Variants in PPP6R3 observed in about 807,000 individuals in gnomAD.
The protein encoded by PPP6R3 is serine/threonine-protein phosphatase 6 regulatory subunit 3.
In PPP6R3, 38 loss-of-function variants were observed where a neutral mutation model predicts 110.7. That is an observed-to-expected ratio of 0.34 (90% CI 0.26 to 0.45). The LOEUF (loss-of-function observed/expected upper bound fraction) is 0.45. PPP6R3 is among the 20% of genes least tolerant of loss of function. PPP6R3 has a pLI of 1.00. For synonymous variants in PPP6R3, 369 were observed against 373.5 expected, an observed-to-expected ratio of 0.99 and a Z score of 0.14; for missense variants, 870 against 1,062.4, an observed-to-expected ratio of 0.82 and a Z score of 2.52.
intron 3 of PPP6R3, 137 bp downstream of exon 3, chr11:68,538,028 G>T: frequency 1.6e-6 from 1 of 619,374 alleles, no homozygotes; most frequent in South Asian, 2.6e-5. Flanking sequence ...GACAGGCTCG[G>T]TGGAGCGCAA....
intron 14 of PPP6R3, among the ~76,000 whole-genome samples, chr11:68,579,165 G>A (rs1263276837): frequency 2.0e-5 from 3 of 152,196 alleles, no homozygotes; most frequent in Non-Finnish European, 4.4e-5. Context: ...CTGAAAGTGG[G>A]TGTTTCTAAC....
Position 68,511,347 on chromosome 11 carries a change from G to A in PPP6R3, c.-157-8154G>A, listed in dbSNP as rs530322983. Among the ~76,000 whole-genome samples, 6 of 152,100 alleles carry A rather than the reference G, an allele frequency of 3.9e-5. No individual in the cohort carries two copies. The South Asian group carries it at 8.3e-4, about 21-fold the overall frequency. On this transcript the variant is annotated intron_variant, in intron 1 of 23. Transcript: ENST00000393800. ...CCCAAAGTGCTGGGATTACAGGCAT[G>A]AGCCACCGCGCCCGGCCCATGTATA...
chr11:68,503,353 CA>C (rs1221538996), intron 1 of PPP6R3, among the ~76,000 whole-genome samples: 7 of 152,206 alleles, frequency 4.6e-5, no homozygotes, highest in Non-Finnish European at 1.0e-4. Flanking sequence ...ACAAATAAAA[CA>C]AATGTGAATT....
chr11:68,482,100 C>T (rs927132943), intron 1 of PPP6R3, among the ~76,000 whole-genome samples: 7 of 151,264 alleles, frequency 4.6e-5, no homozygotes, highest in Non-Finnish European at 7.4e-5. Flanking sequence ...TTATCCCGGC[C>T]GGGTGCAGTG....
chr11:68,554,291 A>T (rs781203200), intron 7 of PPP6R3, 34 bp downstream of exon 7: 2 of 1,482,916 alleles, frequency 1.3e-6, no homozygotes, highest in South Asian at 2.3e-5. Context: ...TTCTTCTTTC[A>T]TATTGATGCT....
In PPP6R3 at chr11:68,537,660, C is replaced by G. The variant is rs1207390341; in HGVS notation, c.-5C>G. 11 of 1,555,210 alleles carry G rather than the reference C, an allele frequency of 7.1e-6. No homozygotes were observed. Among genetic ancestry groups the G allele is most frequent in the Non-Finnish European group, 8.8e-6 (10 of 1,137,954 alleles). On this transcript the variant is annotated splice_region_variant and 5_prime_UTR_variant, in exon 3 of 24. Coordinates refer to ENST00000393800, the MANE Select transcript of PPP6R3 (RefSeq NM_001164161.2). ...AAATACTTTCTGCATTTTGTTTAGA[C>G]CAGCATGTTTTGGAAATTTGATCTT...
chr11:68,536,755 C>A (rs989588529), intron 2 of PPP6R3, among the ~76,000 whole-genome samples: 7 of 152,120 alleles, frequency 4.6e-5, no homozygotes, highest in Non-Finnish European at 1.0e-4. Flanking sequence ...TTGGGGGTTA[C>A]AGAGAGTCAG....
At chr11:68,589,677 C>T (rs115126650) in intron 16 of PPP6R3, among the ~76,000 whole-genome samples, 3,120 of 152,304 alleles carry the variant, frequency 0.02, 114 homozygotes, top group African/African-American at 0.071. Context: ...CTGCTGTGGT[C>T]TTTGGAAGCA....
chr11:68,575,982 G>C lies in PPP6R3; in HGVS notation c.1484G>C (p.Arg495Pro), dbSNP rs776352077. The C allele has an allele frequency of 2.5e-6, 4 of 1,612,022 alleles. No individual in the cohort carries two copies. Among genetic ancestry groups the C allele is most frequent in the Admixed American group, 3.3e-5 (2 of 59,834 alleles). The change falls in exon 14 of 24, where the codon CGA becomes CCA. Residue 495 changes from arginine to proline, a missense_variant. Physicochemically the swap from Arg to Pro is moderately radical, Grantham distance 103 (BLOSUM62 -2). Transcript: ENST00000393800. ...IKDLPDEVRE[R>P]WETFCTSSLG... ...GATCTTCCCGACGAAGTCAGGGAAC[G>C]ATGGGAGACGTTCTGCACAAGCTCC...
rs1448735368 is a variant in PPP6R3, at chr11:68,551,165, T to G, written c.597T>G (p.Val199=). ...TTATCCAGAGGCTTGTGGAAATAGT[T>G]CATCCATCGCAAGAAGAAGATGTAA... ...EKIIQRLVEI[V]HPSQEEDRHS... is the part of the protein sequence containing the mutation. Residue 199 remains valine (V), a synonymous_variant, in exon 6 of 24, where the codon GTT becomes GTG. Coordinates refer to ENST00000393800, the MANE Select transcript of PPP6R3 (RefSeq NM_001164161.2). 6.2e-7 allele frequency: 1 copy of G among 1,611,480 alleles called. No individual in the cohort carries two copies. The highest frequency in any genetic ancestry group is 1.1e-5 in the South Asian group (1 of 90,784).
chr11:68,613,081 C>A lies in PPP6R3; in HGVS notation c.2586C>A (p.Ser862Arg), dbSNP rs771863778. ...TGCTCCTTAGGACTGGCCAACCAAG[C>A]GCACCAGGTGACACTTCAGTGAATG... ...SSPEQRTGQP[S>R]APGDTSVNGP... Residue 862 changes from serine (S) to arginine (R), a missense_variant, in exon 24 of 24, where the codon AGC becomes AGA. Ser to Arg is a moderately radical substitution (Grantham distance 110). Transcript: ENST00000393800. 1 of 1,614,122 alleles carries A rather than the reference C, an allele frequency of 6.2e-7. No homozygotes were observed. The highest frequency in any genetic ancestry group is 8.5e-7 in the Non-Finnish European group (1 of 1,179,990).
At chr11:68,478,968 AT>A (rs1291828881) in intron 1 of PPP6R3, among the ~76,000 whole-genome samples, 1 of 152,102 alleles carries the variant, frequency 6.6e-6, no homozygotes, top group Non-Finnish European at 1.5e-5. Context: ...TCTGAACGTA[AT>A]TTTATACAAT....
intron 1 of PPP6R3, among the ~76,000 whole-genome samples, chr11:68,486,601 C>CT (rs1450553124): frequency 1.3e-4 from 11 of 81,858 alleles, no homozygotes; most frequent in African/African-American, 5.0e-4. Context: ...AAGACTCTGT[C>CT]TTAAAAAAAA....
chr11:68,602,581 G>A (rs768525554), intron 21 of PPP6R3, among the ~76,000 whole-genome samples: 8 of 152,166 alleles, frequency 5.3e-5, no homozygotes. Context: ...TGGGCTTAAG[G>A]AGTGAGTTCT....
chr11:68,567,138 T>G lies in PPP6R3; in HGVS notation c.1100T>G (p.Met367Arg). 1 of 1,550,624 alleles carries G rather than the reference T, an allele frequency of 6.4e-7. No individual in the cohort carries two copies. Among genetic ancestry groups the G allele is most frequent in the Non-Finnish European group, 8.7e-7 (1 of 1,146,620 alleles). ...ACCAGCAGTATAAATGGGGACCTTA[T>G]GGAGCTGAATAGCATTGGAGTCATA... ...TNTSSINGDL[M>R]ELNSIGVILN... Residue 367 changes from methionine (M) to arginine (R), a missense_variant, in exon 10 of 24, where the codon ATG (methionine) becomes AGG (arginine). Met to Arg is a moderately conservative substitution (Grantham distance 91). Coordinates refer to ENST00000393800, the MANE Select transcript of PPP6R3 (RefSeq NM_001164161.2).
chr11:68,594,306 GAGAGAGAGAGAGAAAA>G (rs1164381229), intron 18 of PPP6R3, among the ~76,000 whole-genome samples: 6 of 147,812 alleles, frequency 4.1e-5, no homozygotes, highest in South Asian at 2.1e-4. Flanking sequence ...AGAGGAGAGA[GAGAGAGAGAGAGAAAA>G]AGAGAGAGAG....
At chr11:68,607,425 C>G (rs1219067488) in intron 22 of PPP6R3, among the ~76,000 whole-genome samples, 1 of 152,228 alleles carries the variant, frequency 6.6e-6, no homozygotes, top group African/African-American at 2.4e-5. Flanking sequence ...TCTAAAACAA[C>G]TCCAGCTGGA....
At chr11:68,548,326 G>T in intron 5 of PPP6R3, 122 bp downstream of exon 5, 3 of 1,292,714 alleles carry the variant, frequency 2.3e-6, no homozygotes, top group East Asian at 2.5e-5. Flanking sequence ...GTTGTCTGGG[G>T]AGCCGGTAAC....
At chr11:68,600,264 T>G in intron 19 of PPP6R3, 77 bp from the exon 20 acceptor site, 1 of 1,484,254 alleles carries the variant, frequency 6.7e-7, no homozygotes. Flanking sequence ...CTTTTGCTAA[T>G]GTGTTTTTGA....
Sources: allele counts gnomAD v4.1 joint callset (sites outside exome capture counted in the v4.1 genomes callset), GRCh38; gene constraint gnomAD v4.1.1; transcripts MANE v1.5; gene names NCBI Gene and HGNC (gene_info 2026-07-23, HGNC 2026-07-21).